Variants in CNTLN observed in about 807,000 individuals in gnomAD.
CNTLN encodes centlein.
Under a neutral mutation model 180.0 loss-of-function variants are expected in CNTLN, and 212 were observed. The observed-to-expected ratio is 1.18, with a 90% CI of 1.05 to 1.32. The LOEUF is 1.32. Among genes scored for constraint, CNTLN ranks in the 40% most tolerant of loss-of-function variants. The probability of loss-of-function intolerance (pLI) is 0.00; values close to 1 mark genes in which losing one functional copy is unlikely to be tolerated. For synonymous variants in CNTLN, 722 were observed against 563.1 expected (o/e 1.28, Z -3.99); for missense variants, 2,095 against 1,610.9 (o/e 1.30, Z -5.14).
At chr9:17,454,015 G>A (rs1024681056) in intron 18 of CNTLN, among the ~76,000 whole-genome samples, 1 of 152,126 alleles carries the variant, frequency 6.6e-6, no homozygotes, top group Non-Finnish European at 1.5e-5. Context: ...ATAACGTAAT[G>A]TAATCATGGG....
chr9:17,384,557 C>G (rs1276569602), intron 13 of CNTLN, among the ~76,000 whole-genome samples: 1 of 152,022 alleles, frequency 6.6e-6, no homozygotes, highest in Non-Finnish European at 1.5e-5. Context: ...TCATCAGAAA[C>G]AGGATTTATT....
intron 20 of CNTLN, 75 bp from the exon 21 acceptor site, chr9:17,464,422 T>G (rs1831626595): frequency 2.3e-6 from 3 of 1,279,496 alleles, no homozygotes; most frequent in Non-Finnish European, 1.1e-6. Context: ...AGGTATAATA[T>G]TGGATAAAAT....
At chr9:17,363,022 G>T (rs968876791) in intron 12 of CNTLN, among the ~76,000 whole-genome samples, 1 of 152,166 alleles carries the variant, frequency 6.6e-6, no homozygotes, top group Non-Finnish European at 1.5e-5. Context: ...TGCTGAGAAT[G>T]ATGGTTTCCA....
chr9:17,524,445 G>A, the CNTLN span, among the ~76,000 whole-genome samples: 2 of 152,134 alleles, frequency 1.3e-5, no homozygotes, highest in Non-Finnish European at 2.9e-5. Flanking sequence ...AATTGAATAA[G>A]GCCTTCCCAT....
At chr9:17,509,651 C>T in the CNTLN span, among the ~76,000 whole-genome samples, 1 of 152,132 alleles carries the variant, frequency 6.6e-6, no homozygotes, top group Admixed American at 6.5e-5. Context: ...AGGCTGTATA[C>T]ACTTGAAATC....
intron 6 of CNTLN, among the ~76,000 whole-genome samples, chr9:17,274,454 TATC>T (rs1563946902): frequency 2.9e-5 from 1 of 34,150 alleles, no homozygotes; most frequent in Admixed American, 2.8e-4. Flanking sequence ...CATAGATCAA[TATC>T]TATCTATCTA....
chr9:17,353,265 A>AT (rs1379455538), intron 12 of CNTLN, among the ~76,000 whole-genome samples: 2 of 130,824 alleles, frequency 1.5e-5, no homozygotes, highest in Non-Finnish European at 3.3e-5. Flanking sequence ...TTTATGTTTA[A>AT]TTTTTTAAGG....
intron 2 of CNTLN, among the ~76,000 whole-genome samples, chr9:17,202,437 CTAT>C (rs147231273): frequency 0.02 from 3,117 of 152,094 alleles, 62 homozygotes; most frequent in African/African-American, 0.055. Flanking sequence ...AACTCACTCA[CTAT>C]TATTGTGTGG....
the CNTLN span, among the ~76,000 whole-genome samples, chr9:17,524,243 GT>G: frequency 6.6e-6 from 1 of 152,138 alleles, no homozygotes. Flanking sequence ...GGCTCATGGG[GT>G]TATGGAGGCT....
At chr9:17,238,983 G>A (rs1287965463) in intron 5 of CNTLN, among the ~76,000 whole-genome samples, 3 of 152,080 alleles carry the variant, frequency 2.0e-5, no homozygotes, top group African/African-American at 7.2e-5. Context: ...GTAATTGTTT[G>A]CCCTTTTTGT....
chr9:17,316,957 C>T (rs904921685), intron 8 of CNTLN, among the ~76,000 whole-genome samples: 35 of 152,016 alleles, frequency 2.3e-4, no homozygotes, highest in African/African-American at 8.2e-4. Flanking sequence ...TCACAAATTA[C>T]ATCTTTATAT....
chr9:17,334,404 A>G (rs1278639648), intron 10 of CNTLN, among the ~76,000 whole-genome samples: 2 of 139,392 alleles, frequency 1.4e-5, no homozygotes, highest in African/African-American at 5.3e-5. Flanking sequence ...TCTCCAGAGA[A>G]ACAGAGCCAA....
intron 18 of CNTLN, among the ~76,000 whole-genome samples, chr9:17,436,465 C>T (rs977052048): frequency 6.6e-6 from 1 of 152,172 alleles, no homozygotes; most frequent in Non-Finnish European, 1.5e-5. Context: ...TGCTAAGTGT[C>T]AGAATTTGGA....
intron 5 of CNTLN, among the ~76,000 whole-genome samples, chr9:17,239,143 A>C (rs142115900): frequency 6.6e-6 from 1 of 152,064 alleles, no homozygotes; most frequent in Non-Finnish European, 1.5e-5. Flanking sequence ...GGTTCAAGCT[A>C]TTCTCCTCCC....
chr9:17,370,896 C>T (rs747498640), intron 13 of CNTLN, among the ~76,000 whole-genome samples: 13 of 151,940 alleles, frequency 8.6e-5, no homozygotes, highest in Non-Finnish European at 1.3e-4. Context: ...TAGTTATATC[C>T]CATATATATA....
chr9:17,295,267 G>T (rs971687282), intron 6 of CNTLN, among the ~76,000 whole-genome samples: 1 of 152,166 alleles, frequency 6.6e-6, no homozygotes. Context: ...CAGCCAAGAA[G>T]GGGACTCCCA....
chr9:17,403,451 C>A (rs1385274245), intron 15 of CNTLN, among the ~76,000 whole-genome samples: 61 of 151,396 alleles, frequency 4.0e-4, no homozygotes, highest in Non-Finnish European at 1.5e-5. Context: ...AATTGCAAAT[C>A]CCAAAAAAAA....
intron 6 of CNTLN, among the ~76,000 whole-genome samples, chr9:17,289,726 C>G (rs1224530827): frequency 7.0e-6 from 1 of 142,338 alleles, no homozygotes; most frequent in Non-Finnish European, 1.5e-5. Context: ...TCTTTTTTCT[C>G]TAACCTTCCC....
At chr9:17,201,621 G>T (rs200169877) in intron 2 of CNTLN, among the ~76,000 whole-genome samples, 11 of 152,044 alleles carry the variant, frequency 7.2e-5, no homozygotes, top group African/African-American at 2.7e-4. Context: ...GTTTTTTTGC[G>T]TAGAGGTGTT....
Sources: allele counts gnomAD v4.1 joint callset (sites outside exome capture counted in the v4.1 genomes callset), GRCh38; gene constraint gnomAD v4.1.1; transcripts MANE v1.5; gene names NCBI Gene and HGNC (gene_info 2026-07-23, HGNC 2026-07-21).